Variants in POFUT2 observed in about 807,000 individuals in gnomAD.
The protein encoded by POFUT2 is GDP-fucose protein O-fucosyltransferase 2.
Under a neutral mutation model 55.0 loss-of-function variants are expected in POFUT2, and 30 were observed. That is an observed-to-expected ratio of 0.55 (90% CI 0.41 to 0.74). The LOEUF is 0.74. Ranked by LOEUF, POFUT2 falls within the 30% of genes least tolerant of loss-of-function variation. The pLI is 0.00. For missense variants in POFUT2, 524 were observed against 562.6 expected, an observed-to-expected ratio of 0.93 and a Z score of 0.69; for synonymous variants, 267 against 231.1, an observed-to-expected ratio of 1.16 and a Z score of -1.41.
chr21:45,280,922 T>C (rs2030558561), intron 4 of POFUT2, among the ~76,000 whole-genome samples: 1 of 152,264 alleles, frequency 6.6e-6, no homozygotes, highest in African/African-American at 2.4e-5. Context: ...ATTTTTCTAA[T>C]GGACAAAAGT....
chr21:45,283,267 A>C, intron 3 of POFUT2, 116 bp downstream of exon 3: 3 of 413,798 alleles, frequency 7.2e-6, no homozygotes, highest in South Asian at 4.4e-5. Context: ...GGCGGGGGGC[A>C]CCCACGGTGG....
rs2146660119 is a variant in POFUT2 at position 45,282,539 on chromosome 21, C to A, written c.528-80G>T. 3.7e-6 allele frequency: 3 copies of A among 813,274 alleles called. No individual in the cohort carries two copies. The East Asian group carries it at 7.8e-5, about 21-fold the overall frequency. The allele number at this position is 813,274 out of a possible 1,614,324, so 50.4% of individuals were successfully genotyped here. A position where few individuals can be genotyped will look rare whatever the true frequency, so the allele number is the denominator to read the frequency against. On this transcript the variant is annotated intron_variant, in intron 3 of 8. Transcript: ENST00000349485. The surrounding 1 kb of genome is among the most constrained non-coding windows in gnomAD (Gnocchi z 4.6). ...AACAAATCAAGTCTAGACACGCACA[C>A]ACTGTGGCTTGCTCCTGATGAAACG... is the stretch of plus-strand genomic sequence containing the variant.
At position 45,269,926 on chromosome 21, in the gene POFUT2, G is replaced by C; in HGVS notation, c.925C>G (p.Leu309Val). ...CGGATCTTCCTCACGGCCCCTTCCA[G>C]ACTGGGTACATCCTGTCTGTGACCC... ...IWGHRQDVPS[L>V]EGAVRKIRSL... Residue 309 changes from leucine (L) to valine (V), a missense_variant, in exon 7 of 9, where the codon CTG becomes GTG. Physicochemically the swap from Leu to Val is conservative, Grantham distance 32. Coordinates refer to ENST00000349485, the MANE Select transcript of POFUT2 (RefSeq NM_133635.6). The C allele has an allele frequency of 6.2e-7, 1 of 1,609,932 alleles. No homozygotes were observed. The highest frequency in any genetic ancestry group is 2.2e-5 in the East Asian group (1 of 44,714).
intron 7 of POFUT2, among the ~76,000 whole-genome samples, chr21:45,269,230 GC>G (rs1475898617): frequency 2.0e-5 from 3 of 151,696 alleles, no homozygotes; most frequent in Non-Finnish European, 4.4e-5. Context: ...CTGCCCGGCC[GC>G]CCCTACTGGG....
intron 1 of POFUT2, 126 bp downstream of exon 1, chr21:45,287,615 A>C (rs1602249069): frequency 3.2e-6 from 2 of 622,410 alleles, no homozygotes; most frequent in Non-Finnish European, 3.7e-6. Flanking sequence ...ACCACCCTCC[A>C]TCCCGTGGGC....
intron 6 of POFUT2, among the ~76,000 whole-genome samples, chr21:45,275,698 G>A (rs1439536419): frequency 1.3e-5 from 2 of 152,224 alleles, no homozygotes; most frequent in East Asian, 3.8e-4. Flanking sequence ...CTATGAGGAT[G>A]TAAAGGCATA....
intron 6 of POFUT2, among the ~76,000 whole-genome samples, chr21:45,273,830 C>T (rs1293242925): frequency 1.3e-5 from 2 of 152,170 alleles, no homozygotes; most frequent in Non-Finnish European, 2.9e-5. Flanking sequence ...TAATAAAAGT[C>T]ATCTATGACA....
chr21:45,286,015 C>T, intron 1 of POFUT2, 87 bp from the exon 2 acceptor site: 2 of 1,250,914 alleles, frequency 1.6e-6, no homozygotes, highest in Non-Finnish European at 2.2e-6. Context: ...CAGCGCGTGG[C>T]CCGACTCTAG....
intron 8 of POFUT2, chr21:45,266,106 C>T (rs568510342): frequency 7.9e-5 from 106 of 1,349,234 alleles, no homozygotes; most frequent in South Asian, 2.3e-4. Context: ...TCCACACACA[C>T]GCTGTATGGG....
intron 4 of POFUT2, among the ~76,000 whole-genome samples, chr21:45,278,970 C>G (rs902292222): frequency 2.0e-5 from 3 of 152,184 alleles, no homozygotes; most frequent in Non-Finnish European, 1.5e-5. Context: ...TCTCACCAAA[C>G]TCCCCCCAGG....
In POFUT2 at chr21:45,265,762, G is replaced by A. The variant is rs1442665149; in HGVS notation, c.1137-127C>T. The A allele has an allele frequency of 1.3e-5, 19 of 1,453,916 alleles. No individual in the cohort carries two copies. The highest frequency in any genetic ancestry group is 2.8e-5 in the South Asian group (2 of 70,512). 90.1% of individuals were successfully genotyped at this position (1,453,916 alleles called of 1,614,324 possible). A position where few individuals can be genotyped will look rare whatever the true frequency, so the allele number is the denominator to read the frequency against. ...ACAGTTACATGGAACCAACACGGCC[G>A]TCCCCCGAGCACCCACCAGCCGGCC... On this transcript the variant is annotated intron_variant, in intron 8 of 8. Transcript: ENST00000349485. This position sits in a 1 kb window ranked among gnomAD's most constrained non-coding sequence, Gnocchi z 4.6.
In POFUT2 at chr21:45,267,951, G is replaced by A. The variant is rs1286114148; in HGVS notation, c.1013-238C>T. ...CCAGAACAGAACCAGGGATCAAGAA[G>A]AAAGGAAAGAAACGTGCTCCCTCTC... On this transcript the variant is annotated intron_variant, in intron 7 of 8. Coordinates refer to ENST00000349485, the MANE Select transcript of POFUT2 (RefSeq NM_133635.6). This position sits in a 1 kb window ranked among gnomAD's most constrained non-coding sequence, Gnocchi z 4.4. Among the ~76,000 whole-genome samples the A allele has an allele frequency of 6.6e-6, 1 of 152,138 alleles. No individual in the cohort carries two copies. The highest frequency in any genetic ancestry group is 1.5e-5 in the Non-Finnish European group (1 of 68,020).
chr21:45,269,939 C>T lies in POFUT2; in HGVS notation c.912G>A (p.Gln304=), dbSNP rs1401887978. The T allele has an allele frequency of 2.5e-6, 4 of 1,604,936 alleles. No individual in the cohort carries two copies. In the South Asian group the frequency reaches 4.5e-5, roughly 18 times the overall value. Residue 304 remains glutamine, a synonymous_variant, in exon 7 of 9, where the codon CAG becomes CAA. Transcript: ENST00000349485. The part of the protein sequence containing the change: ...RRKDFIWGHR[Q]DVPSLEGAVR... ...CGGCCCCTTCCAGACTGGGTACATCCTGTCTGTGACCCCAGATGAAATCTT... is the reference window on the plus strand; with the variant it reads ...CGGCCCCTTCCAGACTGGGTACATCTTGTCTGTGACCCCAGATGAAATCTT...
Position 45,277,841 on chromosome 21 carries a change from T to G in POFUT2, c.705+262A>C, listed in dbSNP as rs923286793. ...CGGAGTCACTGACTCCGGGGCTGAC[T>G]CCAGGGCGCTGCCACCGCATTCAGG... On this transcript the variant is annotated intron_variant, in intron 5 of 8. Coordinates refer to ENST00000349485, the MANE Select transcript of POFUT2 (RefSeq NM_133635.6). The surrounding 1 kb of genome is among the most constrained non-coding windows in gnomAD (Gnocchi z 6.9). 3 of 556,086 alleles carry G rather than the reference T, an allele frequency of 5.4e-6. No homozygotes were observed. Among genetic ancestry groups the G allele is most frequent in the Non-Finnish European group, 9.6e-6 (3 of 311,356 alleles). 34.4% of individuals were successfully genotyped at this position (556,086 alleles called of 1,614,324 possible). A position where few individuals can be genotyped will look rare whatever the true frequency, so the allele number is the denominator to read the frequency against.
Position 45,264,210 on chromosome 21 carries a change from C to T in POFUT2, c.*1272G>A, listed in dbSNP as rs938869004. On this transcript the variant is annotated 3_prime_UTR_variant, in exon 9 of 9. Coordinates refer to ENST00000349485, the MANE Select transcript of POFUT2 (RefSeq NM_133635.6). ...GGCTCCGAAAGGAAGAGCTGTCTGT[C>T]CCTCCTAACTGTCCTCTCTCTGTCA... The T allele has an allele frequency of 1.7e-5, 2 of 117,276 alleles. No homozygotes were observed. The highest frequency in any genetic ancestry group is 3.4e-5 in the Non-Finnish European group (2 of 58,958). The allele number at this position is 117,276 out of a possible 1,614,324, so 7.3% of individuals were successfully genotyped here. A position where few individuals can be genotyped will look rare whatever the true frequency, so the allele number is the denominator to read the frequency against.
intron 6 of POFUT2, among the ~76,000 whole-genome samples, chr21:45,273,524 C>T (rs186255606): frequency 6.6e-6 from 1 of 152,048 alleles, no homozygotes; most frequent in African/African-American, 2.4e-5. Context: ...CATAAATCAA[C>T]AGACCAATAT....
chr21:45,272,670 T>G (rs1033898373), intron 6 of POFUT2, among the ~76,000 whole-genome samples: 1 of 152,140 alleles, frequency 6.6e-6, no homozygotes, highest in African/African-American at 2.4e-5. Context: ...CAAGCCTCAA[T>G]AAATTTAAGA....
intron 7 of POFUT2, among the ~76,000 whole-genome samples, chr21:45,269,116 A>G (rs1162588066): frequency 7.1e-6 from 1 of 141,800 alleles, no homozygotes; most frequent in Non-Finnish European, 1.5e-5. Flanking sequence ...CCTACTGGGA[A>G]GTGAAGAGCC....
intron 8 of POFUT2, chr21:45,266,215 G>A (rs377065031): frequency 8.8e-6 from 12 of 1,367,474 alleles, no homozygotes; most frequent in East Asian, 9.1e-5. Flanking sequence ...GCTCTCCAGC[G>A]GCACTTCATG....
Sources: allele counts gnomAD v4.1 joint callset (sites outside exome capture counted in the v4.1 genomes callset), GRCh38; gene constraint gnomAD v4.1.1; non-coding constraint Gnocchi (gnomAD v3.1); transcripts MANE v1.5; gene names NCBI Gene and HGNC (gene_info 2026-07-23, HGNC 2026-07-21).